The following KCNN2 variants were observed in gnomAD, a reference collection of about 807,000 sequenced individuals.
The protein encoded by KCNN2 is potassium calcium-activated channel subfamily N member 2, also known as small conductance calcium-activated potassium channel protein 2.
In KCNN2, 24 loss-of-function variants were observed where a neutral mutation model predicts 55.5. That is an observed-to-expected ratio of 0.43 (90% CI 0.31 to 0.61). KCNN2 has a LOEUF of 0.61. KCNN2 is among the 20% of genes least tolerant of loss of function. KCNN2 has a pLI of 0.08. For missense variants in KCNN2, 754 were observed against 853.6 expected (o/e 0.88, Z 1.45); for synonymous variants, 431 against 336.1 (o/e 1.28, Z -3.09).
chr5:114,244,638 CAGAG>C (rs35939020), intron 2 of KCNN2, among the ~76,000 whole-genome samples: 12 of 147,498 alleles, frequency 8.1e-5, no homozygotes, highest in African/African-American at 2.2e-4. Context: ...AGGGGAGAGA[CAGAG>C]AGAGAGAGAG....
intron 5 of KCNN2, among the ~76,000 whole-genome samples, chr5:114,479,226 T>TAAAAAAAAAAAAAA (rs55994944): frequency 2.2e-5 from 3 of 138,984 alleles, no homozygotes; most frequent in African/African-American, 2.7e-5. Flanking sequence ...ATGAAAACTA[T>TAAAAAAAAAAAAAA]AAAAAAAAAA....
chr5:114,165,594 C>T (rs941101935), intron 1 of KCNN2, among the ~76,000 whole-genome samples: 3 of 152,104 alleles, frequency 2.0e-5, no homozygotes, highest in Non-Finnish European at 4.4e-5. Flanking sequence ...TAAAACCATA[C>T]TGCCTGTTTA....
chr5:114,387,010 C>T (rs1758309764), intron 2 of KCNN2, among the ~76,000 whole-genome samples: 1 of 152,116 alleles, frequency 6.6e-6, no homozygotes, highest in African/African-American at 2.4e-5. Context: ...TGTGTCATTC[C>T]CTACAGCATT....
At chr5:114,385,126 A>G (rs1758236380) in intron 2 of KCNN2, among the ~76,000 whole-genome samples, 1 of 152,098 alleles carries the variant, frequency 6.6e-6, no homozygotes, top group Admixed American at 6.5e-5. Context: ...GTGAGTCTGA[A>G]GTGTTAATAA....
At chr5:114,222,470 C>G (rs1754160962) in intron 2 of KCNN2, among the ~76,000 whole-genome samples, 1 of 152,168 alleles carries the variant, frequency 6.6e-6, no homozygotes, top group South Asian at 2.1e-4. Context: ...ATATTTGATT[C>G]TGAGACCATG....
chr5:114,342,042 C>T (rs1056320166), intron 2 of KCNN2, among the ~76,000 whole-genome samples: 14 of 151,992 alleles, frequency 9.2e-5, no homozygotes, highest in African/African-American at 3.4e-4. Context: ...GCTGGGACTA[C>T]AGGCACCCGC....
chr5:114,376,765 G>A (rs865776264), intron 2 of KCNN2, among the ~76,000 whole-genome samples: 1 of 152,138 alleles, frequency 6.6e-6, no homozygotes, highest in African/African-American at 2.4e-5. Context: ...TCCTTACCGA[G>A]GAGATAAAGT....
rs146257927 is a variant in KCNN2 at position 114,424,003 on chromosome 5, A to C, written c.1637+19147A>C. On this transcript the variant is annotated intron_variant, in intron 3 of 7. Coordinates refer to ENST00000673685, the MANE Select transcript of KCNN2 (RefSeq NM_021614.4). ...TGAAGAAGGGTTGCAGTTGGAAATT[A>C]AGCTAAATTGGAACTGATGCATGGG... 2.3e-3 allele frequency among the ~76,000 whole-genome samples: 350 copies of C among 152,324 alleles called. 5 individuals are homozygous for C. Among genetic ancestry groups the C allele is most frequent in the Admixed American group, 0.021 (317 of 15,306 alleles).
intron 2 of KCNN2, among the ~76,000 whole-genome samples, chr5:114,305,526 A>G (rs1427328855): frequency 6.6e-6 from 1 of 152,172 alleles, no homozygotes; most frequent in Admixed American, 6.5e-5. Context: ...CCTTCAGGGT[A>G]GCACAGAGCC....
intron 3 of KCNN2, among the ~76,000 whole-genome samples, chr5:114,446,392 C>A (rs1006209034): frequency 6.6e-6 from 1 of 152,166 alleles, no homozygotes; most frequent in African/African-American, 2.4e-5. Flanking sequence ...TTCTGTGGAT[C>A]TCACAACTTG....
chr5:114,272,686 T>A (rs1055214205), intron 2 of KCNN2, among the ~76,000 whole-genome samples: 2 of 152,160 alleles, frequency 1.3e-5, no homozygotes, highest in Non-Finnish European at 2.9e-5. Context: ...TTCATATATA[T>A]TTTTAATTGT....
intron 1 of KCNN2, among the ~76,000 whole-genome samples, chr5:114,206,790 T>A (rs1753786641): frequency 6.6e-6 from 1 of 151,794 alleles, no homozygotes; most frequent in African/African-American, 2.4e-5. Flanking sequence ...GGGAGTAGAT[T>A]AAAATGGTCA....
chr5:114,087,451 G>C (rs1452608537), intron 1 of KCNN2, among the ~76,000 whole-genome samples: 1 of 152,048 alleles, frequency 6.6e-6, no homozygotes. Flanking sequence ...GTTAATTTTT[G>C]TATATGGTAA....
chr5:114,455,527 G>T (rs529579074), intron 3 of KCNN2, among the ~76,000 whole-genome samples: 1 of 152,178 alleles, frequency 6.6e-6, no homozygotes, highest in Non-Finnish European at 1.5e-5. Context: ...GCCAACTAAT[G>T]ACCTACAATG....
At chr5:114,235,159 C>T (rs550342314) in intron 2 of KCNN2, among the ~76,000 whole-genome samples, 3 of 152,192 alleles carry the variant, frequency 2.0e-5, no homozygotes, top group African/African-American at 4.8e-5. Flanking sequence ...TGTGCTTTCT[C>T]TTTCATAAAC....
At chr5:114,267,825 G>A (rs898095999) in intron 2 of KCNN2, among the ~76,000 whole-genome samples, 5 of 152,158 alleles carry the variant, frequency 3.3e-5, no homozygotes, top group Non-Finnish European at 5.9e-5. Context: ...CTAAATTGCA[G>A]TTAATTCAGG....
chr5:114,343,336 T>C (rs1251479281), intron 2 of KCNN2, among the ~76,000 whole-genome samples: 3 of 152,210 alleles, frequency 2.0e-5, no homozygotes, highest in African/African-American at 7.2e-5. Flanking sequence ...AGTTCTTGTC[T>C]ATATCTCATT....
chr5:114,094,479 A>G (rs1180543892), intron 1 of KCNN2, among the ~76,000 whole-genome samples: 2 of 152,212 alleles, frequency 1.3e-5, no homozygotes, highest in African/African-American at 4.8e-5. Context: ...GCTGGCCTTC[A>G]TGTCCCTAGA....
At chr5:114,138,180 A>C (rs1010229713) in intron 1 of KCNN2, among the ~76,000 whole-genome samples, 9 of 152,162 alleles carry the variant, frequency 5.9e-5, no homozygotes, top group African/African-American at 1.9e-4. Context: ...ATCCAGTGAA[A>C]GTTCTGTTGT....
Sources: allele counts gnomAD v4.1 joint callset (sites outside exome capture counted in the v4.1 genomes callset), GRCh38; gene constraint gnomAD v4.1.1; transcripts MANE v1.5; gene names NCBI Gene and HGNC (gene_info 2026-07-23, HGNC 2026-07-21).